ZNF618: variants seen among roughly 807,000 people sequenced by gnomAD.
ZNF618 encodes neural precursor cell expressed, developmentally down-regulated 10.
A neutral mutation model predicts 103.0 loss-of-function variants in ZNF618; 34 were observed. That is an observed-to-expected ratio of 0.33 (90% confidence interval 0.25 to 0.44). The LOEUF is 0.44. Among genes scored for constraint, ZNF618 ranks in the 20% least tolerant of loss-of-function variants. The pLI, the probability that ZNF618 is intolerant of heterozygous loss-of-function variation, is 1.00. For synonymous variants in ZNF618, 551 were observed against 542.2 expected, an observed-to-expected ratio of 1.02 and a Z score of -0.23; for missense variants, 1,059 against 1,295.4, an observed-to-expected ratio of 0.82 and a Z score of 2.80.
At chr9:114,028,608 C>T in intron 10 of ZNF618, 125 bp from the exon 11 acceptor site, 1 of 1,312,622 alleles carries the variant, frequency 7.6e-7, no homozygotes, top group Non-Finnish European at 1.0e-6. Flanking sequence ...TCCTTGTTCT[C>T]TGTGGCACAA....
In ZNF618 at chr9:113,968,282, C is replaced by T. The variant is rs529496554; in HGVS notation, c.34-835C>T. Among the ~76,000 whole-genome samples the T allele has an allele frequency of 2.0e-5, 3 of 152,250 alleles. No individual in the cohort carries two copies. The East Asian group carries it at 5.8e-4, about 29-fold the overall frequency. ...TTGTTTCAAAATATAAGACATAGGG[C>T]GGTACATTACCTTTCTAAAATTGGA... is the stretch of plus-strand genomic sequence containing the variant. On this transcript the variant is annotated intron_variant, in intron 1 of 14. Coordinates refer to ENST00000374126, the MANE Select transcript of ZNF618 (RefSeq NM_001318042.2).
At chr9:113,956,952 C>T (rs1836362980) in intron 1 of ZNF618, among the ~76,000 whole-genome samples, 1 of 152,190 alleles carries the variant, frequency 6.6e-6, no homozygotes, top group Admixed American at 6.5e-5. Flanking sequence ...GGTCCTCAGT[C>T]ACCTTGTGAG....
Position 113,998,249 on chromosome 9 carries a change from C to A in ZNF618, c.338-10C>A, listed in dbSNP as rs533877227. 13 of 1,549,696 alleles carry A rather than the reference C, an allele frequency of 8.4e-6. No homozygotes were observed. The South Asian group carries it at 1.4e-4, about 17-fold the overall frequency. ...TTTAAGGGCTCTTTCTGATTTCTTA[C>A]GTAATTCAGATGGAAAAGCGCCCGA... On this transcript the variant is annotated splice_polypyrimidine_tract_variant and intron_variant, in intron 3 of 14. Transcript: ENST00000374126.
In ZNF618 at chr9:114,049,317, C is replaced by T. The variant is rs755145755; in HGVS notation, c.2015C>T (p.Ala672Val). 30 of 1,611,066 alleles carry T rather than the reference C, an allele frequency of 1.9e-5. No homozygotes were observed. The highest frequency in any genetic ancestry group is 2.4e-5 in the Non-Finnish European group (28 of 1,179,504). ...IELLNVCEDL[A>V]GSTGLAKETF... The stretch of plus-strand genomic sequence containing the variant: ...CTGCTCAACGTGTGCGAGGACCTGG[C>T]GGGCTCCACGGGCCTGGCCAAGGAG... The change falls in exon 15 of 15, where the codon GCG (alanine) becomes GTG (valine). Residue 672 changes from alanine (A) to valine (V), a missense_variant. This residue lies in a region of ZNF618 where 272 missense variants were observed against 380.1 expected (regional missense o/e 0.72). Transcript: ENST00000374126.
At chr9:113,960,422 G>C (rs768432320) in intron 1 of ZNF618, among the ~76,000 whole-genome samples, 4 of 152,230 alleles carry the variant, frequency 2.6e-5, no homozygotes, top group Admixed American at 2.6e-4. Flanking sequence ...AGACAACGAT[G>C]ATGATGATGA....
intron 1 of ZNF618, among the ~76,000 whole-genome samples, chr9:113,942,222 G>A (rs1834620750): frequency 6.6e-6 from 1 of 151,860 alleles, no homozygotes; most frequent in African/African-American, 2.4e-5. Context: ...GATGGAGCTT[G>A]ATAGGTTTTT....
intron 1 of ZNF618, among the ~76,000 whole-genome samples, chr9:113,926,858 C>CA (rs1172443040): frequency 2.0e-5 from 3 of 152,094 alleles, no homozygotes; most frequent in Non-Finnish European, 4.4e-5. Flanking sequence ...ACAAAAAATA[C>CA]AAAAATTAGC....
chr9:113,918,137 T>C (rs1341945093), intron 1 of ZNF618, among the ~76,000 whole-genome samples: 3 of 152,186 alleles, frequency 2.0e-5, no homozygotes, highest in Non-Finnish European at 2.9e-5. Flanking sequence ...TTTTATAGAA[T>C]GCTCCTCCTG....
chr9:113,947,424 G>A (rs1835147067), intron 1 of ZNF618, among the ~76,000 whole-genome samples: 1 of 152,186 alleles, frequency 6.6e-6, no homozygotes, highest in Non-Finnish European at 1.5e-5. Context: ...TAATTATAAT[G>A]TACTCATGAC....
At chr9:113,877,317 G>T (rs896978563) in intron 1 of ZNF618, among the ~76,000 whole-genome samples, 9 of 152,102 alleles carry the variant, frequency 5.9e-5, no homozygotes, top group Non-Finnish European at 1.3e-4. Context: ...GGAAATTGTT[G>T]AGTTTAGGGA....
At chr9:113,901,911 TG>T (rs1181863077) in intron 1 of ZNF618, among the ~76,000 whole-genome samples, 3 of 151,982 alleles carry the variant, frequency 2.0e-5, no homozygotes, top group African/African-American at 7.3e-5. Context: ...TGTGTCGCAG[TG>T]GGGGGGACAT....
intron 1 of ZNF618, among the ~76,000 whole-genome samples, chr9:113,901,114 C>T (rs564653366): frequency 2.1e-5 from 3 of 142,136 alleles, no homozygotes; most frequent in Non-Finnish European, 4.6e-5. Flanking sequence ...GCAAACCCGA[C>T]CTCCTGTCTC....
intron 2 of ZNF618, among the ~76,000 whole-genome samples, chr9:113,973,085 A>G (rs910489043): frequency 2.6e-5 from 4 of 152,164 alleles, no homozygotes; most frequent in Non-Finnish European, 5.9e-5. Context: ...TCAAAAAAAA[A>G]GAGAGAACAT....
At chr9:114,032,612 T>C in intron 11 of ZNF618, 33 bp from the exon 12 acceptor site, 1 of 1,605,430 alleles carries the variant, frequency 6.2e-7, no homozygotes, top group Non-Finnish European at 8.5e-7. Flanking sequence ...CCAATCACCA[T>C]TGTTTTCTTT....
chr9:113,928,581 G>A (rs1833298733), intron 1 of ZNF618, among the ~76,000 whole-genome samples: 1 of 152,178 alleles, frequency 6.6e-6, no homozygotes, highest in Non-Finnish European at 1.5e-5. Flanking sequence ...GAACTGTTCT[G>A]TGTTTAATGT....
At chr9:114,041,420 T>C (rs1456923325) in intron 13 of ZNF618, among the ~76,000 whole-genome samples, 1 of 152,246 alleles carries the variant, frequency 6.6e-6, no homozygotes, top group Non-Finnish European at 1.5e-5. Flanking sequence ...ATGTCCTGAA[T>C]GGTATTGCCT....
At chr9:113,904,675 A>T (rs555749008) in intron 1 of ZNF618, among the ~76,000 whole-genome samples, 100 of 152,234 alleles carry the variant, frequency 6.6e-4, no homozygotes, top group Non-Finnish European at 1.2e-3. Flanking sequence ...GCCTCACTGG[A>T]TTAAAATCAA....
intron 1 of ZNF618, among the ~76,000 whole-genome samples, chr9:113,951,504 C>T (rs1355536437): frequency 5.4e-5 from 3 of 55,844 alleles, no homozygotes; most frequent in African/African-American, 1.5e-4. Flanking sequence ...TATGTGTACA[C>T]ATATATGTGT....
intron 11 of ZNF618, among the ~76,000 whole-genome samples, chr9:114,030,327 A>G (rs1364973711): frequency 1.3e-5 from 2 of 152,208 alleles, no homozygotes; most frequent in African/African-American, 4.8e-5. Context: ...GTGTTTTTCA[A>G]CAGTAGCATA....
Sources: allele counts gnomAD v4.1 joint callset (sites outside exome capture counted in the v4.1 genomes callset), GRCh38; gene constraint gnomAD v4.1.1; regional missense constraint gnomAD v4.1.1; transcripts MANE v1.5; gene names NCBI Gene and HGNC (gene_info 2026-07-23, HGNC 2026-07-21).